ZMAT1: variants seen among roughly 807,000 people sequenced by gnomAD.
ZMAT1 encodes zinc finger matrin-type protein 1.
Under a neutral mutation model 18.5 loss-of-function variants are expected in ZMAT1, and 11 were observed. That is an observed-to-expected ratio of 0.59 (90% CI 0.37 to 0.98). The LOEUF is 0.98. Among genes scored for constraint, ZMAT1 ranks in the 50% least tolerant of loss-of-function variants. The pLI, the probability that ZMAT1 is intolerant of heterozygous loss-of-function variation, is 0.01. For synonymous variants in ZMAT1, 211 were observed against 176.4 expected, an observed-to-expected ratio of 1.20 and a Z score of -1.55; for missense variants, 525 against 496.2, an observed-to-expected ratio of 1.06 and a Z score of -0.55.
At chrX:101,902,083 C>G (rs1928270497) in intron 2 of ZMAT1, among the ~76,000 whole-genome samples, 1 of 112,160 alleles carries the variant, frequency 8.9e-6, no homozygotes, top group Non-Finnish European at 1.9e-5. Flanking sequence ...AATTTTGAAG[C>G]AGTTTACATC....
At chrX:101,893,853 G>C (rs1420155701) in intron 4 of ZMAT1, among the ~76,000 whole-genome samples, 1 of 111,316 alleles carries the variant, frequency 9.0e-6, no homozygotes, top group Non-Finnish European at 1.9e-5. Flanking sequence ...CAAAAAACAG[G>C]GTAATAGTTT....
intron 5 of ZMAT1, among the ~76,000 whole-genome samples, chrX:101,886,003 A>G (rs1435576652): frequency 8.9e-6 from 1 of 111,881 alleles, no homozygotes; most frequent in Non-Finnish European, 1.9e-5. Flanking sequence ...CAATACAAAG[A>G]TAAATAGTCA....
intron 1 of ZMAT1, chrX:101,915,611 T>A (rs1929267425): frequency 8.9e-6 from 1 of 112,262 alleles, no homozygotes; most frequent in African/African-American, 3.2e-5. Context: ...GCAGCACATA[T>A]ACTAAAACTG....
chrX:101,892,708 A>T, intron 4 of ZMAT1: 5 of 743,771 alleles, frequency 6.7e-6, no homozygotes, highest in Non-Finnish European at 7.9e-6. Context: ...TACATACTTT[A>T]GTTCCATATC....
intron 1 of ZMAT1, among the ~76,000 whole-genome samples, chrX:101,923,757 G>C (rs1017009903): frequency 9.0e-6 from 1 of 111,502 alleles, no homozygotes; most frequent in Non-Finnish European, 1.9e-5. Flanking sequence ...TTATGATTTA[G>C]GTACAACAGT....
At chrX:101,894,958 C>T in intron 4 of ZMAT1, 1 of 659,735 alleles carries the variant, frequency 1.5e-6, no homozygotes, top group East Asian at 1.6e-4. Flanking sequence ...GTGGATCACT[C>T]CAGTCAGGAT....
intron 1 of ZMAT1, among the ~76,000 whole-genome samples, chrX:101,911,233 T>C (rs1191729977): frequency 9.0e-6 from 1 of 111,494 alleles, no homozygotes; most frequent in Non-Finnish European, 1.9e-5. Context: ...GACAAACAAA[T>C]GCTGACGGAT....
chrX:101,911,018 T>A (rs1928927812), intron 1 of ZMAT1, among the ~76,000 whole-genome samples: 1 of 109,373 alleles, frequency 9.1e-6, no homozygotes, highest in Admixed American at 9.7e-5. Flanking sequence ...AAAGAAAGGA[T>A]CCTAAAAACA....
chrX:101,904,132 C>T, intron 2 of ZMAT1, 92 bp downstream of exon 2: 1 of 598,770 alleles, frequency 1.7e-6, no homozygotes, highest in Non-Finnish European at 2.5e-6. Context: ...TCACAGGATT[C>T]TCATAAGAAT....
chrX:101,906,440 T>C (rs958696935), intron 1 of ZMAT1, among the ~76,000 whole-genome samples: 1 of 109,799 alleles, frequency 9.1e-6, no homozygotes, highest in East Asian at 2.9e-4. Flanking sequence ...GGAGCTAATA[T>C]AGGCCCCAAG....
intron 1 of ZMAT1, among the ~76,000 whole-genome samples, chrX:101,917,901 G>A (rs1929444083): frequency 8.9e-6 from 1 of 112,298 alleles, no homozygotes; most frequent in African/African-American, 3.2e-5. Context: ...GAATGGAACT[G>A]GAGATTATGT....
chrX:101,931,555 G>A, intron 1 of ZMAT1, 162 bp downstream of exon 1: 1 of 724,008 alleles, frequency 1.4e-6, no homozygotes, highest in African/African-American at 2.4e-5. Context: ...TGCACACTCG[G>A]GGCTAATACG....
intron 1 of ZMAT1, among the ~76,000 whole-genome samples, chrX:101,920,195 T>C (rs1339308135): frequency 1.2e-4 from 13 of 110,068 alleles, no homozygotes; most frequent in African/African-American, 4.3e-4. Context: ...TACACCACCA[T>C]GCTCAGCTAA....
At chrX:101,912,286 T>C (rs1479874612) in intron 1 of ZMAT1, among the ~76,000 whole-genome samples, 3 of 111,272 alleles carry the variant, frequency 2.7e-5, no homozygotes, top group Non-Finnish European at 5.7e-5. Flanking sequence ...ATCCAAATAG[T>C]AGGGAAATGT....
At position 101,884,586 on chromosome X, in the gene ZMAT1, C is replaced by G. The variant is rs767498025; in HGVS notation, c.1012G>C (p.Ala338Pro). ...RLPFETFRTY[A>P]APYNISQAME... ...GCTTGTGAAATATTGTATGGTGCTG[C>G]GTATGTCCGGAAAGTCTCAAATGGG... is the stretch of plus-strand genomic sequence containing the variant. Residue 338 changes from alanine to proline, a missense_variant, in exon 6 of 6, where the codon GCA (alanine) becomes CCA (proline). Coordinates refer to ENST00000651725, the MANE Select transcript of ZMAT1 (RefSeq NM_001394560.1). 2 of 1,210,451 alleles carry G rather than the reference C, an allele frequency of 1.7e-6. No homozygotes were observed.
At chrX:101,897,447 A>G (rs1436118777) in intron 4 of ZMAT1, among the ~76,000 whole-genome samples, 1 of 106,497 alleles carries the variant, frequency 9.4e-6, no homozygotes, top group Non-Finnish European at 1.9e-5. Flanking sequence ...TATGTAACTA[A>G]CCTGCACAAT....
At chrX:101,929,425 A>T (rs1281794544) in intron 1 of ZMAT1, among the ~76,000 whole-genome samples, 32 of 7,522 alleles carry the variant, frequency 4.3e-3, no homozygotes, top group Middle Eastern at 0.059. Context: ...GAGAGAGATT[A>T]TATATATATA....
At chrX:101,899,543 G>C (rs899956840) in intron 2 of ZMAT1, among the ~76,000 whole-genome samples, 1 of 111,682 alleles carries the variant, frequency 9.0e-6, no homozygotes, top group Admixed American at 9.5e-5. Context: ...ACATATCAGA[G>C]AGAACATACG....
intron 1 of ZMAT1, among the ~76,000 whole-genome samples, chrX:101,921,180 G>A (rs746167474): frequency 2.2e-4 from 25 of 111,554 alleles, no homozygotes; most frequent in Admixed American, 1.6e-3. Flanking sequence ...TTCCACCACG[G>A]TTGTTTTCAA....
Sources: gnomAD v4.1 joint callset for allele counts (sites outside exome capture counted in the v4.1 genomes callset) on GRCh38, gnomAD v4.1.1 for gene constraint, MANE v1.5 for transcripts, NCBI Gene and HGNC (gene_info 2026-07-23, HGNC 2026-07-21) for gene names.